SCIN: variants seen among roughly 807,000 people sequenced by gnomAD.
The protein encoded by SCIN is adseverin.
A neutral mutation model predicts 91.8 loss-of-function variants in SCIN; 91 were observed. The ratio of observed to expected loss-of-function variants is 0.99; its 90% CI spans 0.84 to 1.18. The LOEUF is 1.18. Among genes scored for constraint, SCIN ranks in the 50% most tolerant of loss-of-function variants. The pLI is 0.00. For missense variants in SCIN, 1,087 were observed against 863.9 expected (o/e 1.26, Z -3.24); for synonymous variants, 367 against 312.6 (o/e 1.17, Z -1.84).
At chr7:12,593,949 G>C (rs1241015205) in intron 3 of SCIN, among the ~76,000 whole-genome samples, 1 of 152,204 alleles carries the variant, frequency 6.6e-6, no homozygotes, top group Non-Finnish European at 1.5e-5. Flanking sequence ...GATTGAGTAA[G>C]ATATTTAAAT....
intron 1 of SCIN, chr7:12,571,642 G>A (rs561282346): frequency 2.2e-6 from 1 of 453,614 alleles, no homozygotes; most frequent in Admixed American, 2.7e-5. Context: ...AAAAAATACA[G>A]ATATTTTATA....
At chr7:12,581,309 C>CT (rs949919860) in intron 3 of SCIN, 88 bp downstream of exon 3, 11 of 1,346,600 alleles carry the variant, frequency 8.2e-6, no homozygotes, top group Non-Finnish European at 9.1e-6. Context: ...AAAAGAATCA[C>CT]TTTTTCTACA....
At position 12,640,448 on chromosome 7, in the gene SCIN, G is replaced by A. The variant is rs756155262; in HGVS notation, c.1512G>A (p.Gln504=). 9.9e-6 allele frequency: 16 copies of A among 1,613,382 alleles called. No individual in the cohort carries two copies. In the South Asian group the frequency reaches 1.8e-4, roughly 18 times the overall value. The stretch of plus-strand genomic sequence containing the variant: ...ATGGAACATCAAAGAAAGGAGGTCA[G>A]GCACCTGCTCCCCCTACACGCCTCT... The part of the protein sequence containing the change: ...YKNGTSKKGG[Q]APAPPTRLFQ... Residue 504 remains glutamine, a synonymous_variant, in exon 11 of 16, where the codon CAG becomes CAA. Coordinates refer to ENST00000297029, the MANE Select transcript of SCIN (RefSeq NM_001112706.3).
At chr7:12,604,810 A>G (rs1355468636) in intron 4 of SCIN, 147 bp downstream of exon 4, 2 of 654,396 alleles carry the variant, frequency 3.1e-6, no homozygotes, top group Non-Finnish European at 5.0e-6. Flanking sequence ...AGCTACAATT[A>G]GTAAGAGGAA....
chr7:12,625,213 T>C, intron 6 of SCIN, 71 bp downstream of exon 6: 2 of 1,314,874 alleles, frequency 1.5e-6, no homozygotes, highest in Non-Finnish European at 2.0e-6. Flanking sequence ...AAATAAAATA[T>C]ATTTTTTGAT....
intron 4 of SCIN, among the ~76,000 whole-genome samples, chr7:12,604,938 C>T (rs541943228): frequency 7.2e-5 from 11 of 152,254 alleles, no homozygotes; most frequent in Admixed American, 5.2e-4. Context: ...TGAGGTGAAA[C>T]AAATGAGTGA....
At chr7:12,571,324 C>G in intron 1 of SCIN, 1 of 377,996 alleles carries the variant, frequency 2.6e-6, no homozygotes. Flanking sequence ...GCTGCCTCAG[C>G]GCACACCGTC....
chr7:12,648,895 A>G (rs1784019082), intron 13 of SCIN, among the ~76,000 whole-genome samples: 1 of 152,192 alleles, frequency 6.6e-6, no homozygotes, highest in Non-Finnish European at 1.5e-5. Context: ...TCAGCATTTT[A>G]AAGTGGAGGA....
At position 12,644,151 on chromosome 7, in the gene SCIN, C is replaced by G. The variant is rs146188527; in HGVS notation, c.1595C>G (p.Ala532Gly). ...TTCATATTCCAGGTTGATGTTGATGCAAATTCACTGAATTCTAACGATGTT... is the reference window on the plus strand; with the variant it reads ...TTCATATTCCAGGTTGATGTTGATGGAAATTCACTGAATTCTAACGATGTT... ...ITRIVEVDVD[A>G]NSLNSNDVFV... is the part of the protein sequence containing the mutation. The change falls in exon 12 of 16, where the codon GCA becomes GGA. Residue 532 changes from alanine (A) to glycine (G), a missense_variant. Transcript: ENST00000297029. 1 of 1,612,120 alleles carries G rather than the reference C, an allele frequency of 6.2e-7. No individual in the cohort carries two copies. The highest frequency in any genetic ancestry group is 1.7e-5 in the Admixed American group (1 of 59,800).
intron 4 of SCIN, among the ~76,000 whole-genome samples, chr7:12,607,272 C>A (rs1341329389): frequency 6.6e-6 from 1 of 152,200 alleles, no homozygotes; most frequent in Non-Finnish European, 1.5e-5. Context: ...TTCTACCTTA[C>A]CTCTTGGGCA....
At position 12,626,721 on chromosome 7, in the gene SCIN, T is replaced by C. The variant is rs1351902537; in HGVS notation, c.1119T>C (p.Phe373=). 4.4e-6 allele frequency: 7 copies of C among 1,606,654 alleles called. No homozygotes were observed. The African/African-American group carries it at 9.4e-5, about 21-fold the overall frequency. The change falls in exon 8 of 16, where the codon TTT becomes TTC. Residue 373 remains phenylalanine, a synonymous_variant. Transcript: ENST00000297029. ...EKVAQIKQIP[F]DASKLHSSPQ... is the part of the protein sequence containing the mutation. Reference sequence around the variant, plus strand: ...TGGCTCAAATAAAACAAATTCCCTTTGATGCCTCAAAATTACACAGTTCTC... The same window carrying C: ...TGGCTCAAATAAAACAAATTCCCTTCGATGCCTCAAAATTACACAGTTCTC...
At chr7:12,581,007 C>A in intron 2 of SCIN, 53 bp from the exon 3 acceptor site, 1 of 1,524,644 alleles carries the variant, frequency 6.6e-7, no homozygotes, top group Non-Finnish European at 8.9e-7. Flanking sequence ...TAGGCAGACA[C>A]CTCATCAGTT....
rs202220680 is a variant in SCIN at position 12,644,618 on chromosome 7, C to G, written c.1794C>G (p.Asp598Glu). 5.1e-4 allele frequency: 825 copies of G among 1,608,664 alleles called. 1 individual carries two copies. Among genetic ancestry groups the G allele is most frequent in the Non-Finnish European group, 6.4e-4 (754 of 1,177,492 alleles). The change falls in exon 13 of 16, where the codon GAC becomes GAG. Residue 598 changes from aspartate to glutamate, a missense_variant. Transcript: ENST00000297029. ...GGAATTCCCTTGGAGGGAAAAAAGA[C>G]TACCAGACCTCACCACTACTGGAAA... ...EFWNSLGGKK[D>E]YQTSPLLETQ... is the part of the protein sequence containing the mutation.
At chr7:12,573,294 C>T (rs887619352) in intron 1 of SCIN, among the ~76,000 whole-genome samples, 3 of 151,662 alleles carry the variant, frequency 2.0e-5, no homozygotes, top group Admixed American at 6.6e-5. Context: ...GGAAATCAGC[C>T]GGAAGAAAGA....
In SCIN at chr7:12,652,599, C is replaced by T; in HGVS notation, c.2032C>T (p.Leu678Phe). Reference protein sequence around the residue: ...KESLKSAKMYLETDPSGRDKR... With the variant: ...KESLKSAKMYFETDPSGRDKR... Reference sequence around the variant, plus strand: ...ACAACTTTTTTTAGCCAAAATGTACCTTGAGACAGACCCTTCTGGAAGAGA... The same window carrying T: ...ACAACTTTTTTTAGCCAAAATGTACTTTGAGACAGACCCTTCTGGAAGAGA... Residue 678 changes from leucine to phenylalanine, a missense_variant, in exon 16 of 16, where the codon CTT becomes TTT. Leu to Phe is a conservative substitution (Grantham distance 22). Transcript: ENST00000297029. 1.2e-6 allele frequency: 2 copies of T among 1,612,204 alleles called. No individual in the cohort carries two copies. Among genetic ancestry groups the T allele is most frequent in the Non-Finnish European group, 8.5e-7 (1 of 1,179,174 alleles).
intron 4 of SCIN, among the ~76,000 whole-genome samples, chr7:12,609,802 C>T (rs1310117540): frequency 6.6e-6 from 1 of 151,874 alleles, no homozygotes; most frequent in East Asian, 1.9e-4. Flanking sequence ...TTGTTGAACT[C>T]TTGCTTTTAT....
rs1784186281 is a variant in SCIN at position 12,657,557 on chromosome 7, T to TAC, written c.*4843_*4844insCA. The TAC allele has an allele frequency of 2.7e-4, 8 of 29,726 alleles. 1 individual carries two copies. The highest frequency in any genetic ancestry group is 5.5e-4 in the African/African-American group (8 of 14,628). 1.8% of individuals were successfully genotyped at this position (29,726 alleles called of 1,614,324 possible). ...GTGTGTGTATATATATATATATATA[T>TAC]ATATATATATATATATTTTTTTTTT... On this transcript the variant is annotated 3_prime_UTR_variant, in exon 16 of 16. Transcript: ENST00000297029.
At chr7:12,632,083 CATTTT>C (rs55811230) in intron 9 of SCIN, among the ~76,000 whole-genome samples, 9,487 of 120,508 alleles carry the variant, frequency 0.079, 542 homozygotes, top group Admixed American at 0.13. Context: ...GATTGGTTTT[CATTTT>C]ATTTTATTTT....
Position 12,656,246 on chromosome 7 carries a change from C to A in SCIN, c.*3531C>A, listed in dbSNP as rs1784160392. The A allele has an allele frequency of 6.6e-6, 1 of 152,172 alleles. No individual in the cohort carries two copies. The highest frequency in any genetic ancestry group is 1.5e-5 in the Non-Finnish European group (1 of 68,034). The allele number at this position is 152,172 out of a possible 1,614,324, so 9.4% of individuals were successfully genotyped here. A position where few individuals can be genotyped will look rare whatever the true frequency, so the allele number is the denominator to read the frequency against. On this transcript the variant is annotated 3_prime_UTR_variant, in exon 16 of 16. Transcript: ENST00000297029. ...CTCATTATTCAGTCATCAAGCAATT[C>A]TTGTCCCAATCATTCTCCAAAGCTA...
Sources: allele counts gnomAD v4.1 joint callset (sites outside exome capture counted in the v4.1 genomes callset), GRCh38; gene constraint gnomAD v4.1.1; transcripts MANE v1.5; gene names NCBI Gene and HGNC (gene_info 2026-07-23, HGNC 2026-07-21).